The following SEC16A variants were observed in gnomAD, a reference collection of about 807,000 sequenced individuals.
SEC16A encodes protein transport protein Sec16A.
Under a neutral mutation model 221.9 loss-of-function variants are expected in SEC16A, and 110 were observed. The observed-to-expected ratio is 0.50, with a 90% CI of 0.42 to 0.58. The LOEUF (loss-of-function observed/expected upper bound fraction) is 0.58. Among genes scored for constraint, SEC16A ranks in the 20% least tolerant of loss-of-function variants. The probability of loss-of-function intolerance (pLI) is 0.00; values close to 1 mark genes in which losing one functional copy is unlikely to be tolerated. For missense variants in SEC16A, 3,165 were observed against 3,097.8 expected (o/e 1.02, Z -0.52); for synonymous variants, 1,393 against 1,257.7 (o/e 1.11, Z -2.28).
In SEC16A at chr9:136,455,644, C is replaced by T. The variant is rs755640318; in HGVS notation, c.5814G>A (p.Pro1938=). 23 of 1,588,778 alleles carry T rather than the reference C, an allele frequency of 1.4e-5. No individual in the cohort carries two copies. Among genetic ancestry groups the T allele is most frequent in the South Asian group, 4.6e-5 (4 of 86,576 alleles). The change falls in exon 20 of 32, where the codon CCG becomes CCA. Residue 1938 remains proline, a synonymous_variant. Coordinates refer to ENST00000684901, the MANE Select transcript of SEC16A (RefSeq NM_014866.2). ...CGCTCGGGCTCGAGTGCTCAGGGCT[C>T]GGTGCAGGCACCGCCAGCAGAGGGT... is the stretch of plus-strand genomic sequence containing the variant. The part of the protein sequence containing the change: ...IANPLLAVPA[P]SPEHSSPSVR...
chr9:136,443,811 G>C lies in SEC16A; in HGVS notation c.7005+12C>G. On this transcript the variant is annotated intron_variant, in intron 31 of 31. Coordinates refer to ENST00000684901, the MANE Select transcript of SEC16A (RefSeq NM_014866.2). The stretch of plus-strand genomic sequence containing the variant: ...TGTTAGGGTCTCGTAGGGAAAGGTA[G>C]GAGTCACTCACCTGTGCCAGCTGAG... 6.2e-7 allele frequency: 1 copy of C among 1,608,078 alleles called. No homozygotes were observed. The highest frequency in any genetic ancestry group is 8.5e-7 in the Non-Finnish European group (1 of 1,176,400).
At chr9:136,448,694 C>T (rs1269223835) in intron 23 of SEC16A, 1 of 702,212 alleles carries the variant, frequency 1.4e-6, no homozygotes, top group Non-Finnish European at 2.6e-6. Flanking sequence ...TCCAGAGACA[C>T]CAGGAGAATG....
At position 136,466,962 on chromosome 9, in the gene SEC16A, C is replaced by A; in HGVS notation, c.3924G>T (p.Gly1308=). The A allele has an allele frequency of 6.2e-7, 1 of 1,612,710 alleles. No homozygotes were observed. The highest frequency in any genetic ancestry group is 2.2e-5 in the East Asian group (1 of 44,850). ...DAYRREHSAF[G]DRPEKRDNNW... is the part of the protein sequence containing the mutation. ...CCCAGGGGTGCTCCACCAACCTGTC[C>A]CCGAAGGCAGAGTGCTCTCTCCTGT... is the stretch of plus-strand genomic sequence containing the variant. The change falls in exon 6 of 32, where the codon GGG becomes GGT. Residue 1308 remains glycine, a synonymous_variant. Coordinates refer to ENST00000684901, the MANE Select transcript of SEC16A (RefSeq NM_014866.2). The surrounding 1 kb of genome is among the most constrained non-coding windows in gnomAD (Gnocchi z 5.5).
At chr9:136,479,687 T>C (rs1303320567) in intron 1 of SEC16A, among the ~76,000 whole-genome samples, 2 of 152,130 alleles carry the variant, frequency 1.3e-5, no homozygotes, top group East Asian at 3.9e-4. Flanking sequence ...ATTATTTTGG[T>C]CTCTTGGAAA....
In SEC16A at chr9:136,455,795, TGAGG is replaced by T. The variant is rs1319868421; in HGVS notation, c.5665-6_5665-3del. ...CTGATGCCATACTCCAGCCCCCTCC[TGAGG>T]GAGAACAAGACCTGCCCTGTGGAAG... is the stretch of plus-strand genomic sequence containing the variant. On this transcript the variant is annotated splice_polypyrimidine_tract_variant and splice_region_variant and intron_variant, in intron 19 of 31. Coordinates refer to ENST00000684901, the MANE Select transcript of SEC16A (RefSeq NM_014866.2). The T allele has an allele frequency of 6.3e-7, 1 of 1,593,356 alleles. No individual in the cohort carries two copies. The highest frequency in any genetic ancestry group is 8.5e-7 in the Non-Finnish European group (1 of 1,170,258).
intron 4 of SEC16A, among the ~76,000 whole-genome samples, chr9:136,471,643 C>T (rs550705726): frequency 1.4e-4 from 21 of 152,296 alleles, no homozygotes; most frequent in African/African-American, 3.9e-4. Flanking sequence ...AGCAAATGGC[C>T]GGACCAACAG....
rs1382700647 is a variant in SEC16A at position 136,474,452 on chromosome 9, T to C, written c.3164A>G (p.Glu1055Gly). ...TKDAQGQPGLERAQQELVPPQ... is the reference protein window; with the variant it reads ...TKDAQGQPGLGRAQQELVPPQ... Reference sequence around the variant, plus strand: ...TGGCACCAGCTCCTGCTGGGCTCTTTCGAGGCCAGGCTGGCCCTGGGCATC... The same window carrying C: ...TGGCACCAGCTCCTGCTGGGCTCTTCCGAGGCCAGGCTGGCCCTGGGCATC... Residue 1055 changes from glutamate to glycine, a missense_variant, in exon 3 of 32, where the codon GAA becomes GGA. By Grantham distance (98) the Glu-to-Gly change is moderately conservative. Transcript: ENST00000684901. The C allele has an allele frequency of 6.2e-7, 1 of 1,612,984 alleles. No homozygotes were observed. Among genetic ancestry groups the C allele is most frequent in the African/African-American group, 1.3e-5 (1 of 74,938 alleles).
rs558094599 is a variant in SEC16A at position 136,441,342 on chromosome 9, C to T, written c.*413G>A. 4.6e-5 allele frequency: 11 copies of T among 236,926 alleles called. No individual in the cohort carries two copies. In the East Asian group the frequency reaches 1.1e-3, roughly 24 times the overall value. 14.7% of individuals were successfully genotyped at this position (236,926 alleles called of 1,614,324 possible). ...CCAGCACCTTAAAGGAAGCGCGGGA[C>T]TCACTGGGCAGTGACTCACAGCTGG... On this transcript the variant is annotated 3_prime_UTR_variant, in exon 32 of 32. Coordinates refer to ENST00000684901, the MANE Select transcript of SEC16A (RefSeq NM_014866.2).
At chr9:136,483,729 C>T, upstream of SEC16A, 1 of 985,436 alleles carries the variant, frequency 1.0e-6, no homozygotes, top group Non-Finnish European at 1.2e-6. Flanking sequence ...AGCTGAGAAG[C>T]GCGGGGCCCT....
chr9:136,460,508 C>T (rs1044119693), intron 13 of SEC16A, among the ~76,000 whole-genome samples: 2 of 151,616 alleles, frequency 1.3e-5, no homozygotes, highest in Non-Finnish European at 2.9e-5. Flanking sequence ...AAAATCAGCC[C>T]TAAGCCCTCT....
In SEC16A at chr9:136,475,435, C is replaced by T. The variant is rs779461587; in HGVS notation, c.2181G>A (p.Ala727=). ...KCESPATTLW[A]QSELPDFGGN... is the part of the protein sequence containing the mutation. ...CTCCAAAATCTGGCAGCTCACTTTGCGCCCACAGAGTCGTTGCTGGGCTCT... is the reference window on the plus strand; with the variant it reads ...CTCCAAAATCTGGCAGCTCACTTTGTGCCCACAGAGTCGTTGCTGGGCTCT... Residue 727 remains alanine (A), a synonymous_variant, in exon 3 of 32, where the codon GCG becomes GCA. Transcript: ENST00000684901. The surrounding 1 kb of genome is among the most constrained non-coding windows in gnomAD (Gnocchi z 5.0). The T allele has an allele frequency of 7.6e-5, 123 of 1,610,150 alleles. No homozygotes were observed. The highest frequency in any genetic ancestry group is 8.9e-5 in the Non-Finnish European group (105 of 1,177,612).
At chr9:136,468,245 C>A (rs1456712892) in intron 5 of SEC16A, among the ~76,000 whole-genome samples, 170 bp downstream of exon 5, 1 of 152,098 alleles carries the variant, frequency 6.6e-6, no homozygotes, top group Non-Finnish European at 1.5e-5. Flanking sequence ...TTTCCAAATA[C>A]AAAGTATTTT....
rs554493991 is a variant in SEC16A, at chr9:136,459,656, C to T, written c.5191+101G>A. 9 of 1,363,286 alleles carry T rather than the reference C, an allele frequency of 6.6e-6. No homozygotes were observed. The highest frequency in any genetic ancestry group is 4.3e-5 in the African/African-American group (3 of 69,128). The allele number at this position is 1,363,286 out of a possible 1,614,324, so 84.4% of individuals were successfully genotyped here. A position where few individuals can be genotyped will look rare whatever the true frequency, so the allele number is the denominator to read the frequency against. ...AAGGCACCAGAGACGCCAGCCGGAC[C>T]GAGAAGGCCGGGTTCTGGTGATTTC... On this transcript the variant is annotated intron_variant, in intron 15 of 31. Transcript: ENST00000684901. This position sits in a 1 kb window ranked among gnomAD's most constrained non-coding sequence, Gnocchi z 6.1.
At chr9:136,448,338 G>A (rs949295102) in intron 23 of SEC16A, 177 bp from the exon 24 acceptor site, 1 of 718,096 alleles carries the variant, frequency 1.4e-6, no homozygotes, top group Non-Finnish European at 2.6e-6. Context: ...GGAGGATGGA[G>A]GTGGGGAGCA....
intron 28 of SEC16A, among the ~76,000 whole-genome samples, chr9:136,446,381 T>C (rs947683154): frequency 6.6e-6 from 1 of 151,888 alleles, no homozygotes; most frequent in South Asian, 2.1e-4. Context: ...AGAGCTGGGA[T>C]TACAGGCATC....
In SEC16A at chr9:136,441,289, G is replaced by T. The variant is rs1410130658; in HGVS notation, c.*466C>A. The T allele has an allele frequency of 5.3e-6, 1 of 189,100 alleles. No individual in the cohort carries two copies. The highest frequency in any genetic ancestry group is 2.3e-5 in the African/African-American group (1 of 43,208). 11.7% of individuals were successfully genotyped at this position (189,100 alleles called of 1,614,324 possible). ...CAGATGGTGCAGAGCAGGGGTTGGGGTCTGCCTCAGTCACCCTCTCTTTGC... is the reference window on the plus strand; with the variant it reads ...CAGATGGTGCAGAGCAGGGGTTGGGTTCTGCCTCAGTCACCCTCTCTTTGC... On this transcript the variant is annotated 3_prime_UTR_variant, in exon 32 of 32. Transcript: ENST00000684901.
rs1262226671 is a variant in SEC16A at position 136,477,348 on chromosome 9, G to A, written c.268C>T (p.Pro90Ser). 8 of 1,613,870 alleles carry A rather than the reference G, an allele frequency of 5.0e-6. No homozygotes were observed. Among genetic ancestry groups the A allele is most frequent in the Non-Finnish European group, 6.8e-6 (8 of 1,179,892 alleles). Residue 90 changes from proline to serine, a missense_variant, in exon 3 of 32, where the codon CCC (proline) becomes TCC (serine). By Grantham distance (74) the Pro-to-Ser change is moderately conservative. Around this residue, in one of 3 missense-constraint regions of SEC16A, gnomAD observed 2,030 missense variants for 1,923.1 expected, o/e 1.06. Coordinates refer to ENST00000684901, the MANE Select transcript of SEC16A (RefSeq NM_014866.2). ...GPAPAGFSQHPGLLVPHTHAR... is the reference protein window; with the variant it reads ...GPAPAGFSQHSGLLVPHTHAR... Reference sequence around the variant, plus strand: ...TGTGTGTGAGGAACAAGCAAACCGGGGTGCTGAGAAAACCCTGCGGGGGCT... The same window carrying A: ...TGTGTGTGAGGAACAAGCAAACCGGAGTGCTGAGAAAACCCTGCGGGGGCT...
rs1427962204 is a variant in SEC16A, at chr9:136,476,087, T to TC, written c.1528dup (p.Asp510GlyfsTer10). On this transcript the variant is annotated frameshift_variant, in exon 3 of 32. Coordinates refer to ENST00000684901, the MANE Select transcript of SEC16A (RefSeq NM_014866.2). LOFTEE classifies it high-confidence loss of function. ...AGGGTGCACTGTATGCAGTGTGGCA[T>TC]CAGGGGCTCCGGTGTGGCACACAGC... 1 of 1,613,466 alleles carries TC rather than the reference T, an allele frequency of 6.2e-7. No individual in the cohort carries two copies. Among genetic ancestry groups the TC allele is most frequent in the Non-Finnish European group, 8.5e-7 (1 of 1,179,878 alleles).
intron 17 of SEC16A, 120 bp from the exon 18 acceptor site, chr9:136,457,704 A>G: frequency 8.2e-7 from 1 of 1,213,204 alleles, no homozygotes; most frequent in Non-Finnish European, 1.1e-6. Context: ...TGAGCTGTGA[A>G]CTCTTCTGGA....
Sources: gnomAD v4.1 joint callset for allele counts (sites outside exome capture counted in the v4.1 genomes callset) on GRCh38, gnomAD v4.1.1 for gene constraint, gnomAD v4.1.1 regional missense constraint, Gnocchi (gnomAD v3.1) non-coding constraint, MANE v1.5 for transcripts, NCBI Gene and HGNC (gene_info 2026-07-23, HGNC 2026-07-21) for gene names.